C3orf70: variants seen among roughly 807,000 people sequenced by gnomAD.
C3orf70 encodes UPF0524 protein C3orf70.
Under a neutral mutation model 20.7 loss-of-function variants are expected in C3orf70, and 15 were observed. The observed-to-expected ratio is 0.72, with a 90% CI of 0.48 to 1.11. C3orf70 has a LOEUF of 1.11. Among genes scored for constraint, C3orf70 ranks in the 50% most tolerant of loss-of-function variants. The probability of loss-of-function intolerance (pLI) is 0.00; values close to 1 mark genes in which losing one functional copy is unlikely to be tolerated. For missense variants in C3orf70, 332 were observed against 317.6 expected (o/e 1.05, Z -0.34); for synonymous variants, 161 against 125.7 (o/e 1.28, Z -1.88).
rs531504685 is a variant in C3orf70 at position 185,076,877 on chromosome 3, G to A, written c.*6130C>T. 1.2e-4 allele frequency among the ~76,000 whole-genome samples: 18 copies of A among 152,328 alleles called. No individual in the cohort carries two copies. In the South Asian group the frequency reaches 3.5e-3, roughly 30 times the overall value. ...AAAGTTTATTGCAGAATAAAAGTGT[G>A]TGCAGTCAGCATTTGTAAGAGGCTA... is the stretch of plus-strand genomic sequence containing the variant. On this transcript the variant is annotated 3_prime_UTR_variant, in exon 2 of 2. Transcript: ENST00000335012.
At chr3:185,121,423 A>G (rs1716294909) in intron 1 of C3orf70, among the ~76,000 whole-genome samples, 1 of 152,262 alleles carries the variant, frequency 6.6e-6, no homozygotes, top group South Asian at 2.1e-4. Context: ...TCTAGATAGC[A>G]TAGCCAGGAA....
At chr3:185,083,627 T>G in intron 1 of C3orf70, 64 bp from the exon 2 acceptor site, 2 of 1,374,162 alleles carry the variant, frequency 1.5e-6, no homozygotes, top group Non-Finnish European at 2.0e-6. Flanking sequence ...ATGGCCATAA[T>G]GGTTTCTGAG....
chr3:185,105,657 T>A (rs1209443720), intron 1 of C3orf70, among the ~76,000 whole-genome samples: 4 of 152,214 alleles, frequency 2.6e-5, no homozygotes, highest in African/African-American at 4.8e-5. Flanking sequence ...CTCTGTGTGT[T>A]TTTAATTCCT....
At chr3:185,094,695 A>G (rs2108590166) in intron 1 of C3orf70, among the ~76,000 whole-genome samples, 1 of 152,128 alleles carries the variant, frequency 6.6e-6, no homozygotes, top group South Asian at 2.1e-4. Flanking sequence ...TCCAGTTCCT[A>G]TTAGGTGGCC....
chr3:185,096,769 A>G (rs1019634510), intron 1 of C3orf70, among the ~76,000 whole-genome samples: 1 of 152,122 alleles, frequency 6.6e-6, no homozygotes, highest in African/African-American at 2.4e-5. Flanking sequence ...CCACAAGGCA[A>G]CCAATATTCT....
At chr3:185,122,367 G>A (rs1716322970) in intron 1 of C3orf70, among the ~76,000 whole-genome samples, 1 of 152,108 alleles carries the variant, frequency 6.6e-6, no homozygotes, top group South Asian at 2.1e-4. Flanking sequence ...ATTCAACTGG[G>A]TTTGGATCAC....
intron 1 of C3orf70, among the ~76,000 whole-genome samples, chr3:185,139,931 T>C (rs1361397265): frequency 2.6e-5 from 4 of 152,080 alleles, no homozygotes; most frequent in Non-Finnish European, 2.9e-5. Flanking sequence ...CTTAAAAGCA[T>C]CAAAAAGCAC....
chr3:185,149,327 G>A (rs1165645205), intron 1 of C3orf70, among the ~76,000 whole-genome samples: 1 of 151,482 alleles, frequency 6.6e-6, no homozygotes, highest in African/African-American at 2.4e-5. Context: ...GGGAGGTGGA[G>A]GTTGCAGTGA....
At chr3:185,126,304 A>C (rs1395697545) in intron 1 of C3orf70, among the ~76,000 whole-genome samples, 3 of 152,212 alleles carry the variant, frequency 2.0e-5, no homozygotes, top group Non-Finnish European at 4.4e-5. Context: ...AACTTATGAC[A>C]GCTGAAAGCT....
In C3orf70 at chr3:185,083,358, A is replaced by G; in HGVS notation, c.402T>C (p.Tyr134=). The G allele has an allele frequency of 6.2e-7, 1 of 1,614,116 alleles. No individual in the cohort carries two copies. The highest frequency in any genetic ancestry group is 1.1e-5 in the South Asian group (1 of 91,064). ...TCTTCCCATTAATACATTTAACCTG[A>G]TAGTTGTCAATAAAAAGGTCTGAAA... ...CMISDLFIDN[Y]QVKCINGKMC... The change falls in exon 2 of 2, where the codon TAT becomes TAC. Residue 134 remains tyrosine, a synonymous_variant. Coordinates refer to ENST00000335012, the MANE Select transcript of C3orf70 (RefSeq NM_001025266.3).
chr3:185,149,403 A>C (rs998754705), intron 1 of C3orf70, among the ~76,000 whole-genome samples: 3 of 151,832 alleles, frequency 2.0e-5, no homozygotes, highest in Admixed American at 2.0e-4. Flanking sequence ...CCAAAAAAAA[A>C]AAAAAAAAAC....
intron 1 of C3orf70, among the ~76,000 whole-genome samples, chr3:185,112,298 T>G (rs914735560): frequency 6.6e-6 from 1 of 152,014 alleles, no homozygotes; most frequent in Non-Finnish European, 1.5e-5. Context: ...TCAAAAAAAA[T>G]AAATAGAAGT....
chr3:185,107,097 C>G (rs1488265474), intron 1 of C3orf70, among the ~76,000 whole-genome samples: 10 of 152,136 alleles, frequency 6.6e-5, no homozygotes, highest in Admixed American at 6.5e-4. Flanking sequence ...AATAACTATT[C>G]AGGGAAAGAA....
chr3:185,088,759 T>C (rs985065246), intron 1 of C3orf70, among the ~76,000 whole-genome samples: 1 of 152,232 alleles, frequency 6.6e-6, no homozygotes, highest in Admixed American at 6.5e-5. Context: ...GTCACCATAC[T>C]TTCACCAATT....
Position 185,077,140 on chromosome 3 carries a change from G to T in C3orf70, c.*5867C>A, listed in dbSNP as rs1312408369. ...CATGGTATAGGGTGCGGGGTGGGGG[G>T]GCACTGTATGGAGGACAGAGAAGGG... On this transcript the variant is annotated 3_prime_UTR_variant, in exon 2 of 2. Transcript: ENST00000335012. Among the ~76,000 whole-genome samples the T allele has an allele frequency of 6.6e-6, 1 of 152,108 alleles. No homozygotes were observed. Among genetic ancestry groups the T allele is most frequent in the African/African-American group, 2.4e-5 (1 of 41,404 alleles).
intron 1 of C3orf70, among the ~76,000 whole-genome samples, chr3:185,088,490 C>T (rs1038194964): frequency 6.6e-6 from 1 of 152,044 alleles, no homozygotes; most frequent in Non-Finnish European, 1.5e-5. Flanking sequence ...GGGCACATGA[C>T]GGCTCTGTAT....
At chr3:185,107,101 G>A (rs975303242) in intron 1 of C3orf70, among the ~76,000 whole-genome samples, 2 of 152,148 alleles carry the variant, frequency 1.3e-5, no homozygotes, top group Non-Finnish European at 2.9e-5. Flanking sequence ...ACTATTCAGG[G>A]AAAGAAATTT....
At chr3:185,111,612 G>C (rs1215178609) in intron 1 of C3orf70, among the ~76,000 whole-genome samples, 1 of 152,200 alleles carries the variant, frequency 6.6e-6, no homozygotes, top group Non-Finnish European at 1.5e-5. Flanking sequence ...AACTCTGATA[G>C]TGGGGATGTA....
chr3:185,148,607 C>T (rs897448135), intron 1 of C3orf70, among the ~76,000 whole-genome samples: 1 of 152,176 alleles, frequency 6.6e-6, no homozygotes, highest in East Asian at 1.9e-4. Context: ...TCCTCTCTCG[C>T]GAAGCCATGT....
Sources: allele counts gnomAD v4.1 joint callset (sites outside exome capture counted in the v4.1 genomes callset), GRCh38; gene constraint gnomAD v4.1.1; transcripts MANE v1.5; gene names NCBI Gene and HGNC (gene_info 2026-07-23, HGNC 2026-07-21).